Variants in ADCY2 observed in about 807,000 individuals in gnomAD.
The protein encoded by ADCY2 is adenylate cyclase type 2.
Under a neutral mutation model 125.2 loss-of-function variants are expected in ADCY2, and 31 were observed. The ratio of observed to expected loss-of-function variants is 0.25; its 90% CI spans 0.19 to 0.33. The LOEUF is 0.33. Among genes scored for constraint, ADCY2 ranks in the 10% least tolerant of loss-of-function variants. ADCY2 has a pLI of 1.00. For missense variants in ADCY2, 904 were observed against 1,418.2 expected, an observed-to-expected ratio of 0.64 and a Z score of 5.82; for synonymous variants, 512 against 548.4, an observed-to-expected ratio of 0.93 and a Z score of 0.93.
chr5:7,726,460 A>T (rs2126399421), intron 13 of ADCY2, among the ~76,000 whole-genome samples: 1 of 152,280 alleles, frequency 6.6e-6, no homozygotes, highest in East Asian at 1.9e-4. Flanking sequence ...CAGCATCATA[A>T]GTATAGCCCT....
chr5:7,786,009 T>A (rs186362275), intron 19 of ADCY2, among the ~76,000 whole-genome samples: 190 of 152,322 alleles, frequency 1.2e-3, no homozygotes, highest in African/African-American at 4.4e-3. Context: ...TTTACACAAT[T>A]GGGTTGATAC....
rs191372181 is a variant in ADCY2 at position 7,792,159 on chromosome 5, G to A, written c.2628+2359G>A. On this transcript the variant is annotated intron_variant, in intron 20 of 24. Coordinates refer to ENST00000338316, the MANE Select transcript of ADCY2 (RefSeq NM_020546.3). The stretch of plus-strand genomic sequence containing the variant: ...GGCCAAGGCGTTTGGATCACCTGAG[G>A]TCAGGAGTTCAAGACCAGCCTGGCC... Among the ~76,000 whole-genome samples, 82 of 148,628 alleles carry A rather than the reference G, an allele frequency of 5.5e-4. 1 individual carries two copies. The East Asian group carries it at 0.014, about 25-fold the overall frequency.
chr5:7,582,215 C>T (rs1017811483), intron 3 of ADCY2, among the ~76,000 whole-genome samples: 4 of 152,020 alleles, frequency 2.6e-5, no homozygotes, highest in Admixed American at 6.6e-5. Context: ...ACATAACAGT[C>T]GTGAACATGT....
chr5:7,503,794 C>A (rs1387450884), intron 2 of ADCY2, among the ~76,000 whole-genome samples: 1 of 152,180 alleles, frequency 6.6e-6, no homozygotes, highest in African/African-American at 2.4e-5. Flanking sequence ...GCAACAAGAG[C>A]ACATTGCATG....
intron 16 of ADCY2, 83 bp from the exon 17 acceptor site, chr5:7,766,604 C>T (rs903188940): frequency 1.5e-5 from 22 of 1,429,438 alleles, no homozygotes; most frequent in Non-Finnish European, 1.9e-5. Context: ...ATAAGGAACA[C>T]AGAATTCATA....
chr5:7,825,035 G>A (rs1294759937), intron 24 of ADCY2, among the ~76,000 whole-genome samples: 1 of 152,080 alleles, frequency 6.6e-6, no homozygotes, highest in East Asian at 1.9e-4. Flanking sequence ...TAACACTGCT[G>A]TGTGCCATAA....
intron 2 of ADCY2, among the ~76,000 whole-genome samples, chr5:7,494,880 T>C (rs1040750988): frequency 6.6e-6 from 1 of 152,154 alleles, no homozygotes; most frequent in Non-Finnish European, 1.5e-5. Context: ...GTGGAAAGGG[T>C]GTTGTAACTG....
At chr5:7,742,516 G>T (rs979377827) in intron 14 of ADCY2, among the ~76,000 whole-genome samples, 3 of 152,162 alleles carry the variant, frequency 2.0e-5, no homozygotes, top group African/African-American at 7.2e-5. Flanking sequence ...ATTGGGTCAG[G>T]TCCAATTGTT....
intron 2 of ADCY2, among the ~76,000 whole-genome samples, chr5:7,430,796 A>C (rs1740570096): frequency 6.6e-6 from 1 of 152,108 alleles, no homozygotes; most frequent in African/African-American, 2.4e-5. Flanking sequence ...AAACTCAAAA[A>C]TAGGAAATAC....
At chr5:7,533,127 A>G (rs1199970350) in intron 3 of ADCY2, among the ~76,000 whole-genome samples, 4 of 150,598 alleles carry the variant, frequency 2.7e-5, no homozygotes, top group African/African-American at 9.7e-5. Context: ...ACATATATGC[A>G]TATACACACT....
intron 4 of ADCY2, among the ~76,000 whole-genome samples, chr5:7,659,414 T>TAA (rs1170195263): frequency 1.3e-5 from 2 of 152,254 alleles, no homozygotes; most frequent in Non-Finnish European, 2.9e-5. Flanking sequence ...CTGTACTGTG[T>TAA]TGGTTATTTC....
intron 22 of ADCY2, among the ~76,000 whole-genome samples, chr5:7,814,815 T>C (rs1745058137): frequency 6.6e-6 from 1 of 152,186 alleles, no homozygotes; most frequent in Non-Finnish European, 1.5e-5. Context: ...CCCGGACCTT[T>C]CTTCATCTCT....
chr5:7,454,672 A>G (rs980592644), intron 2 of ADCY2, among the ~76,000 whole-genome samples: 29 of 152,238 alleles, frequency 1.9e-4, no homozygotes, highest in Admixed American at 1.9e-3. Context: ...TGAAGGAAAC[A>G]AAACTCACAG....
At chr5:7,624,088 A>G (rs957943247) in intron 3 of ADCY2, among the ~76,000 whole-genome samples, 2 of 152,204 alleles carry the variant, frequency 1.3e-5, no homozygotes, top group South Asian at 2.1e-4. Flanking sequence ...AATCTGCATC[A>G]TTCTGGACCC....
chr5:7,463,311 A>G (rs373981915), intron 2 of ADCY2, among the ~76,000 whole-genome samples: 3 of 152,278 alleles, frequency 2.0e-5, no homozygotes, highest in African/African-American at 7.2e-5. Context: ...TTCAGTGTCC[A>G]TTACACAGTC....
At chr5:7,556,393 T>G (rs1735507153) in intron 3 of ADCY2, among the ~76,000 whole-genome samples, 1 of 152,208 alleles carries the variant, frequency 6.6e-6, no homozygotes, top group African/African-American at 2.4e-5. Flanking sequence ...AATGAATGAA[T>G]GAACAGTAAA....
chr5:7,511,623 G>T (rs1015547057), intron 2 of ADCY2, among the ~76,000 whole-genome samples: 12 of 151,968 alleles, frequency 7.9e-5, no homozygotes, highest in Non-Finnish European at 1.3e-4. Context: ...AAAACGAGGG[G>T]TTTTTTAGAT....
At chr5:7,815,096 C>A (rs1480689009) in intron 22 of ADCY2, among the ~76,000 whole-genome samples, 1 of 152,186 alleles carries the variant, frequency 6.6e-6, no homozygotes, top group Non-Finnish European at 1.5e-5. Flanking sequence ...GCACAGCGGT[C>A]AGCTTTGACC....
intron 4 of ADCY2, among the ~76,000 whole-genome samples, chr5:7,662,302 G>A (rs1400896773): frequency 6.6e-6 from 1 of 152,224 alleles, no homozygotes; most frequent in Non-Finnish European, 1.5e-5. Flanking sequence ...TCAGTGTTCT[G>A]GAAGCAAGGG....
Sources: gnomAD v4.1 joint callset for allele counts (sites outside exome capture counted in the v4.1 genomes callset) on GRCh38, gnomAD v4.1.1 for gene constraint, MANE v1.5 for transcripts, NCBI Gene and HGNC (gene_info 2026-07-23, HGNC 2026-07-21) for gene names.